The following STX5 variants were observed in gnomAD, a reference collection of about 807,000 sequenced individuals.
STX5 encodes syntaxin 5, also known as syntaxin-5.
A neutral mutation model predicts 42.9 loss-of-function variants in STX5; 15 were observed. That is an observed-to-expected ratio of 0.35 (90% CI 0.23 to 0.54). The LOEUF (loss-of-function observed/expected upper bound fraction) is 0.54. STX5 is among the 20% of genes least tolerant of loss of function. STX5 has a pLI of 0.91. For missense variants in STX5, 430 were observed against 455.0 expected (o/e 0.95, Z 0.50); for synonymous variants, 184 against 173.2 (o/e 1.06, Z -0.49).
intron 10 of STX5, among the ~76,000 whole-genome samples, chr11:62,810,029 G>A (rs2134805145): frequency 6.7e-6 from 1 of 149,080 alleles, no homozygotes; most frequent in South Asian, 2.1e-4. Context: ...TTGAACCCGG[G>A]AGGCGGAGAT....
chr11:62,828,766 T>C lies in STX5; in HGVS notation c.226-1135A>G, dbSNP rs12801363. On this transcript the variant is annotated intron_variant, in intron 2 of 10. Coordinates refer to ENST00000294179, the MANE Select transcript of STX5 (RefSeq NM_003164.5). ...ATAAATAAACAAACAAACAAACAAA[T>C]AAATAAATACAGTTACTTGGCCAGG... Among the ~76,000 whole-genome samples the C allele has an allele frequency of 4.5e-3, 251 of 55,986 alleles. 1 individual carries two copies. Among genetic ancestry groups the C allele is most frequent in the Non-Finnish European group, 7.0e-3 (155 of 22,282 alleles). The allele number at this position is 55,986 out of a possible 152,430, so 36.7% of individuals were successfully genotyped here.
At chr11:62,818,565 GA>G (rs1307603732) in intron 10 of STX5, among the ~76,000 whole-genome samples, 3,303 of 92,714 alleles carry the variant, frequency 0.036, 65 homozygotes, top group Non-Finnish European at 0.051. Flanking sequence ...CTCTGTCTCA[GA>G]AAAAAAAAAA....
At chr11:62,829,216 G>A (rs1005632669) in intron 2 of STX5, among the ~76,000 whole-genome samples, 31 of 151,378 alleles carry the variant, frequency 2.0e-4, no homozygotes, top group Admixed American at 2.0e-4. Context: ...CCTGAGGTCG[G>A]GAGTTTGAGA....
intron 8 of STX5, 122 bp from the exon 9 acceptor site, chr11:62,824,687 T>A: frequency 1.1e-6 from 1 of 888,660 alleles, no homozygotes; most frequent in Non-Finnish European, 1.8e-6. Context: ...ACAGGTCATT[T>A]AACCTCTCTG....
chr11:62,812,419 T>C (rs2084627448), intron 10 of STX5, among the ~76,000 whole-genome samples: 1 of 151,836 alleles, frequency 6.6e-6, no homozygotes, highest in South Asian at 2.1e-4. Flanking sequence ...TCTATAATAT[T>C]CTTTTTTTTG....
chr11:62,821,758 T>C (rs2084742924), intron 10 of STX5, among the ~76,000 whole-genome samples: 1 of 151,912 alleles, frequency 6.6e-6, no homozygotes, highest in South Asian at 2.1e-4. Context: ...CCGGGCATGG[T>C]GGCTCATGCC....
At chr11:62,828,762 C>CAAATAAAT (rs112511037) in intron 2 of STX5, among the ~76,000 whole-genome samples, 2 of 148,696 alleles carry the variant, frequency 1.3e-5, no homozygotes, top group African/African-American at 5.0e-5. Context: ...AACAAACAAA[C>CAAATAAAT]AAATAAATAA....
chr11:62,830,963 T>C (rs1423057360), intron 2 of STX5, 56 bp downstream of exon 2: 1 of 1,460,524 alleles, frequency 6.8e-7, no homozygotes, highest in African/African-American at 1.4e-5. Context: ...TGGAGCACAG[T>C]CCTTCCTAGA....
At chr11:62,820,790 G>A (rs111847038) in intron 10 of STX5, among the ~76,000 whole-genome samples, 5 of 151,860 alleles carry the variant, frequency 3.3e-5, no homozygotes, top group South Asian at 2.1e-4. Flanking sequence ...GATTACAGGC[G>A]TGAGCCACTG....
intron 1 of STX5, among the ~76,000 whole-genome samples, chr11:62,831,595 T>C (rs944226514): frequency 4.0e-4 from 61 of 152,178 alleles, no homozygotes; most frequent in African/African-American, 1.3e-3. Flanking sequence ...AACCCAGCCC[T>C]TTCGTTTCCG....
chr11:62,814,521 G>A (rs1023717199), intron 10 of STX5, among the ~76,000 whole-genome samples: 18 of 151,222 alleles, frequency 1.2e-4, no homozygotes, highest in Admixed American at 5.3e-4. Flanking sequence ...GGAGTGCAAC[G>A]GCGTGATCTC....
chr11:62,820,646 G>A (rs1470458116), intron 10 of STX5, among the ~76,000 whole-genome samples: 1 of 150,938 alleles, frequency 6.6e-6, no homozygotes, highest in Non-Finnish European at 1.5e-5. Flanking sequence ...CCAAGCAGCT[G>A]CGCAGGTACC....
At chr11:62,825,799 C>T (rs2084789343) in intron 5 of STX5, among the ~76,000 whole-genome samples, 1 of 152,182 alleles carries the variant, frequency 6.6e-6, no homozygotes, top group African/African-American at 2.4e-5. Flanking sequence ...ACTCCTCCAG[C>T]CTACTGCCCT....
intron 10 of STX5, among the ~76,000 whole-genome samples, chr11:62,816,896 A>G (rs186108997): frequency 5.4e-4 from 82 of 151,940 alleles, no homozygotes; most frequent in African/African-American, 2.0e-3. Flanking sequence ...TCTGTCTCAA[A>G]AAAAAGAAAG....
chr11:62,810,605 A>G (rs1044682250), intron 10 of STX5, among the ~76,000 whole-genome samples: 1 of 152,232 alleles, frequency 6.6e-6, no homozygotes, highest in Non-Finnish European at 1.5e-5. Context: ...TGGTTTTCAC[A>G]CCTTAGGAAA....
In STX5 at chr11:62,825,930, C is replaced by T. The variant is rs376838728; in HGVS notation, c.424-391G>A. Among the ~76,000 whole-genome samples, 68 of 152,272 alleles carry T rather than the reference C, an allele frequency of 4.5e-4. 2 individuals carry two copies. The South Asian group carries it at 0.014, about 31-fold the overall frequency. Reference sequence around the variant, plus strand: ...CTCAGGAAAAGGGAAGAGTCAAAGGCACTGTAGTTTCGAGAGGCATCAACA... The same window carrying T: ...CTCAGGAAAAGGGAAGAGTCAAAGGTACTGTAGTTTCGAGAGGCATCAACA... On this transcript the variant is annotated intron_variant, in intron 5 of 10. Coordinates refer to ENST00000294179, the MANE Select transcript of STX5 (RefSeq NM_003164.5).
At chr11:62,827,694 C>G in intron 2 of STX5, 63 bp from the exon 3 acceptor site, 1 of 1,563,028 alleles carries the variant, frequency 6.4e-7, no homozygotes, top group Non-Finnish European at 8.8e-7. Context: ...AGCTTTCACT[C>G]TTCCTGAGGT....
At position 62,829,397 on chromosome 11, in the gene STX5, C is replaced by T. The variant is rs569379520; in HGVS notation, c.225+1622G>A. ...TAAGATCGTGCCACTGCACTACAGC[C>T]TGGGCAACAAGAGCGAAATTCCCAT... On this transcript the variant is annotated intron_variant, in intron 2 of 10. Transcript: ENST00000294179. 9.2e-5 allele frequency among the ~76,000 whole-genome samples: 14 copies of T among 151,834 alleles called. No individual in the cohort carries two copies. In the East Asian group the frequency reaches 2.7e-3, roughly 29 times the overall value.
intron 10 of STX5, among the ~76,000 whole-genome samples, chr11:62,814,719 G>A (rs904006069): frequency 2.7e-5 from 4 of 149,906 alleles, no homozygotes; most frequent in Non-Finnish European, 5.9e-5. Context: ...GCTGCCTCCC[G>A]GGTTCAGGTG....
Sources: allele counts gnomAD v4.1 joint callset (sites outside exome capture counted in the v4.1 genomes callset), GRCh38; gene constraint gnomAD v4.1.1; transcripts MANE v1.5; gene names NCBI Gene and HGNC (gene_info 2026-07-23, HGNC 2026-07-21).